The following SYN1 variants were observed in gnomAD, a reference collection of about 807,000 sequenced individuals.
SYN1 encodes the protein synapsin-1.
A neutral mutation model predicts 44.6 loss-of-function variants in SYN1; 8 were observed. The observed-to-expected ratio is 0.18, with a 90% confidence interval of 0.11 to 0.32. The LOEUF is 0.32. SYN1 is among the 10% of genes least tolerant of loss of function. The pLI is 1.00. For synonymous variants in SYN1, 275 were observed against 280.1 expected (o/e 0.98, Z 0.18); for missense variants, 451 against 639.4 (o/e 0.71, Z 3.18).
At position 47,573,953 on chromosome X, in the gene SYN1, G is replaced by A. The variant is rs1482548009; in HGVS notation, c.1982+49C>T. ...CTAGGGCTGCTCTACTGGGGCAGCGGCCCGCTTTGTGAGCAGCAAGGCGAA... is the reference window on the plus strand; with the variant it reads ...CTAGGGCTGCTCTACTGGGGCAGCGACCCGCTTTGTGAGCAGCAAGGCGAA... On this transcript the variant is annotated intron_variant, in intron 12 of 12. Coordinates refer to ENST00000295987, the MANE Select transcript of SYN1 (RefSeq NM_006950.3). 1.0e-5 allele frequency: 11 copies of A among 1,071,004 alleles called. No individual in the cohort carries two copies. In the African/African-American group the frequency reaches 1.9e-4, roughly 19 times the overall value. 88.3% of individuals were successfully genotyped at this position (1,071,004 alleles called of 1,213,427 possible). A position where few individuals can be genotyped will look rare whatever the true frequency, so the allele number is the denominator to read the frequency against.
chrX:47,576,447 G>A, intron 7 of SYN1, 41 bp from the exon 8 acceptor site: 1 of 1,211,229 alleles, frequency 8.3e-7, no homozygotes. Context: ...TGCCTCAGCT[G>A]CATGAGGCAA....
chrX:47,605,919 G>C (rs1482791642), intron 3 of SYN1, among the ~76,000 whole-genome samples: 2 of 103,682 alleles, frequency 1.9e-5, no homozygotes, highest in African/African-American at 7.1e-5. Context: ...TTTTTCTGTT[G>C]AGACGGACTG....
intron 3 of SYN1, 69 bp downstream of exon 3, chrX:47,606,876 T>A (rs2057899219): frequency 1.9e-6 from 2 of 1,069,723 alleles, no homozygotes; most frequent in Non-Finnish European, 2.6e-6. Flanking sequence ...AGGTAGGAAC[T>A]TTCCCCCAGC....
Position 47,577,457 on chromosome X carries a change from T to C in SYN1, c.819A>G (p.Ala273=). 1 of 1,207,488 alleles carries C rather than the reference T, an allele frequency of 8.3e-7. No individual in the cohort carries two copies. The highest frequency in any genetic ancestry group is 1.1e-6 in the Non-Finnish European group (1 of 893,541). ...TYPVVVKMGH[A]HSGMGKVKVD... ...GACTCACCTTGCCCATCCCAGAGTG[T>C]GCGTGCCCCATCTTCACAACCACGG... Residue 273 remains alanine (A), a synonymous_variant, in exon 6 of 13, where the codon GCA becomes GCG. Transcript: ENST00000295987.
At chrX:47,585,697 G>C in intron 5 of SYN1, 1 of 1,207,257 alleles carries the variant, frequency 8.3e-7, no homozygotes, top group East Asian at 3.0e-5. Context: ...CCTCCAACGG[G>C]AGATCCTTCC....
At chrX:47,596,057 C>T (rs2057862816) in intron 5 of SYN1, among the ~76,000 whole-genome samples, 1 of 112,371 alleles carries the variant, frequency 8.9e-6, no homozygotes, top group Non-Finnish European at 1.9e-5. Flanking sequence ...TGAAAATCAA[C>T]AGCCCTGCAA....
At chrX:47,577,815 G>A (rs34576985) in intron 5 of SYN1, among the ~76,000 whole-genome samples, 5,249 of 91,633 alleles carry the variant, frequency 0.057, 146 homozygotes, top group Non-Finnish European at 0.083. Flanking sequence ...AAGAAAGTTT[G>A]TTTTTACAGT....
chrX:47,614,903 G>A (rs1337296817), intron 1 of SYN1, among the ~76,000 whole-genome samples: 1 of 111,651 alleles, frequency 9.0e-6, no homozygotes, highest in African/African-American at 3.3e-5. Flanking sequence ...AGGATTGGCC[G>A]AGGCCTCTTT....
At chrX:47,578,832 G>A (rs1191763572) in intron 5 of SYN1, among the ~76,000 whole-genome samples, 1 of 111,236 alleles carries the variant, frequency 9.0e-6, no homozygotes, top group Non-Finnish European at 1.9e-5. Flanking sequence ...CAGGAAGCCC[G>A]CAGACTCAGG....
chrX:47,596,232 G>T (rs374322469), intron 5 of SYN1, among the ~76,000 whole-genome samples: 2 of 112,381 alleles, frequency 1.8e-5, no homozygotes, highest in East Asian at 5.6e-4. Flanking sequence ...TTCTCTGGGG[G>T]TGCTTTTCAG....
At chrX:47,591,418 G>C (rs1400655203) in intron 5 of SYN1, among the ~76,000 whole-genome samples, 1 of 111,923 alleles carries the variant, frequency 8.9e-6, no homozygotes, top group African/African-American at 3.2e-5. Flanking sequence ...CTGCAGGACA[G>C]AGATATGAAA....
chrX:47,573,875 G>T, intron 12 of SYN1, 127 bp downstream of exon 12: 1 of 627,306 alleles, frequency 1.6e-6, no homozygotes, highest in Non-Finnish European at 2.2e-6. Context: ...GGCTCAGGCT[G>T]GAGAGAGTTC....
At chrX:47,611,234 G>A (rs893434448) in intron 1 of SYN1, among the ~76,000 whole-genome samples, 5 of 112,006 alleles carry the variant, frequency 4.5e-5, no homozygotes, top group Non-Finnish European at 9.4e-5. Context: ...ACAATATTGT[G>A]TGCATCCTAT....
chrX:47,579,849 G>GCCCC (rs140381513), intron 5 of SYN1, among the ~76,000 whole-genome samples: 6 of 83,164 alleles, frequency 7.2e-5, no homozygotes, highest in Non-Finnish European at 9.3e-5. Context: ...TGTTTTTGTC[G>GCCCC]CCCCCCCACC....
At chrX:47,585,992 C>A in intron 5 of SYN1, 1 of 1,027,457 alleles carries the variant, frequency 9.7e-7, no homozygotes, top group Non-Finnish European at 1.3e-6. Flanking sequence ...AGAATGTTCT[C>A]CAAGAACCCA....
chrX:47,596,204 C>T (rs2057863111), intron 5 of SYN1, among the ~76,000 whole-genome samples: 1 of 112,332 alleles, frequency 8.9e-6, no homozygotes, highest in Non-Finnish European at 1.9e-5. Flanking sequence ...TCATGGGGCT[C>T]ATCTGGTATA....
Position 47,605,352 on chromosome X carries a change from G to T in SYN1, c.555C>A (p.Ile185=). ...GTGCCATGCTGAAGGCGTGCTGGCGGATCAGCACAAAATCCGGCTTCAGAG... is the reference window on the plus strand; with the variant it reads ...GTGCCATGCTGAAGGCGTGCTGGCGTATCAGCACAAAATCCGGCTTCAGAG... ...VRSLKPDFVL[I]RQHAFSMARN... Residue 185 remains isoleucine (I), a synonymous_variant, in exon 4 of 13, where the codon ATC becomes ATA. Coordinates refer to ENST00000295987, the MANE Select transcript of SYN1 (RefSeq NM_006950.3). 1 of 1,211,567 alleles carries T rather than the reference G, an allele frequency of 8.3e-7. No homozygotes were observed. Among genetic ancestry groups the T allele is most frequent in the Non-Finnish European group, 1.1e-6 (1 of 895,327 alleles).
chrX:47,612,305 T>C (rs1220267726), intron 1 of SYN1, among the ~76,000 whole-genome samples: 1 of 110,555 alleles, frequency 9.0e-6, no homozygotes, highest in Non-Finnish European at 1.9e-5. Context: ...CAAATGATTG[T>C]GCATCCAGAA....
Position 47,576,151 on chromosome X carries a change from C to T in SYN1, c.1138G>A (p.Gly380Arg). ...CATACCTCAATGATGTGATCCCTTC[C>T]GTCCTTGCCATGTAGCGCTTCCACT... is the stretch of plus-strand genomic sequence containing the variant. Reference protein sequence around the residue: ...CAVEALHGKDGRDHIIEVVGS... With the variant: ...CAVEALHGKDRRDHIIEVVGS... Residue 380 changes from glycine to arginine, a missense_variant, in exon 9 of 13, where the codon GGA becomes AGA. Gly to Arg is a moderately radical substitution (Grantham distance 125, BLOSUM62 -2). This residue lies in a region of SYN1 where 315 missense variants were observed against 451.4 expected (regional missense o/e 0.70). Coordinates refer to ENST00000295987, the MANE Select transcript of SYN1 (RefSeq NM_006950.3). 2 of 1,202,449 alleles carry T rather than the reference C, an allele frequency of 1.7e-6. No individual in the cohort carries two copies. Among genetic ancestry groups the T allele is most frequent in the Non-Finnish European group, 2.2e-6 (2 of 890,704 alleles).
Sources: allele counts gnomAD v4.1 joint callset (sites outside exome capture counted in the v4.1 genomes callset), GRCh38; gene constraint gnomAD v4.1.1; regional missense constraint gnomAD v4.1.1; transcripts MANE v1.5; gene names NCBI Gene and HGNC (gene_info 2026-07-23, HGNC 2026-07-21).